Variants in SPON1 observed in about 807,000 individuals in gnomAD.
SPON1 encodes spondin 1.
Under a neutral mutation model 111.7 loss-of-function variants are expected in SPON1, and 52 were observed. The ratio of observed to expected loss-of-function variants is 0.47; its 90% CI spans 0.37 to 0.59. The LOEUF is 0.59. Ranked by LOEUF, SPON1 falls within the 20% of genes least tolerant of loss-of-function variation. The probability of loss-of-function intolerance (pLI) is 0.00; values close to 1 mark genes in which losing one functional copy is unlikely to be tolerated. For synonymous variants in SPON1, 410 were observed against 395.8 expected (o/e 1.04, Z -0.43); for missense variants, 957 against 1,068.5 (o/e 0.90, Z 1.46).
intron 5 of SPON1, among the ~76,000 whole-genome samples, chr11:14,107,455 G>A (rs1849193640): frequency 6.6e-6 from 1 of 151,984 alleles, no homozygotes; most frequent in Non-Finnish European, 1.5e-5. Flanking sequence ...CAAGTCTCTG[G>A]TTCCATCTTT....
At chr11:14,144,803 C>T (rs1030715352) in intron 6 of SPON1, among the ~76,000 whole-genome samples, 4 of 152,154 alleles carry the variant, frequency 2.6e-5, no homozygotes, top group African/African-American at 9.7e-5. Flanking sequence ...TTGCTGCCTT[C>T]TCAAGAAAAC....
intron 5 of SPON1, among the ~76,000 whole-genome samples, chr11:14,098,950 A>G (rs2133842565): frequency 6.6e-6 from 1 of 152,340 alleles, no homozygotes; most frequent in Admixed American, 6.5e-5. Context: ...TCAACTCTTT[A>G]TCTGACTGTA....
At chr11:14,179,026 G>T (rs933632510) in intron 6 of SPON1, among the ~76,000 whole-genome samples, 11 of 148,726 alleles carry the variant, frequency 7.4e-5, no homozygotes, top group African/African-American at 2.7e-4. Context: ...CCAGTTCATT[G>T]TCCTTAAACA....
chr11:14,029,451 C>G (rs938552052), intron 2 of SPON1, among the ~76,000 whole-genome samples: 1 of 152,098 alleles, frequency 6.6e-6, no homozygotes, highest in Admixed American at 6.5e-5. Flanking sequence ...GTCACATGAT[C>G]AGGAAAAGAT....
At chr11:13,996,124 T>G (rs1848270342) in intron 2 of SPON1, among the ~76,000 whole-genome samples, 2 of 152,186 alleles carry the variant, frequency 1.3e-5, no homozygotes, top group Non-Finnish European at 2.9e-5. Flanking sequence ...TACTATATCT[T>G]CTTTAACAAG....
chr11:14,159,960 G>A (rs1405079423), intron 6 of SPON1, among the ~76,000 whole-genome samples: 1 of 152,004 alleles, frequency 6.6e-6, no homozygotes, highest in Non-Finnish European at 1.5e-5. Flanking sequence ...GAGAACGAAT[G>A]AGTACAACCT....
In SPON1 at chr11:14,255,649, A is replaced by T; in HGVS notation, c.1095A>T (p.Ser365=). 6.2e-7 allele frequency: 1 copy of T among 1,613,028 alleles called. No individual in the cohort carries two copies. The highest frequency in any genetic ancestry group is 8.5e-7 in the Non-Finnish European group (1 of 1,179,520). ...AGTDSGVTYE[S]PNKPTIPQEK... ...TACCTCTGTATGTTTTCTTGCAGTC[A>T]CCCAACAAACCCACCATTCCCCAGG... Residue 365 remains serine (S), a splice_region_variant and synonymous_variant, in exon 9 of 16, where the codon TCA becomes TCT. Transcript: ENST00000576479.
rs531212452 is a variant in SPON1, at chr11:14,014,158, T to A, written c.346-27363T>A. Among the ~76,000 whole-genome samples the A allele has an allele frequency of 2.6e-5, 4 of 152,254 alleles. No individual in the cohort carries two copies. The South Asian group carries it at 8.3e-4, about 32-fold the overall frequency. Reference sequence around the variant, plus strand: ...CTGCCAGTGACTTCTGGCTCCTAGATCTTCATCTTGCAGCTACGTGGACAA... The same window carrying A: ...CTGCCAGTGACTTCTGGCTCCTAGAACTTCATCTTGCAGCTACGTGGACAA... On this transcript the variant is annotated intron_variant, in intron 2 of 15. Coordinates refer to ENST00000576479, the MANE Select transcript of SPON1 (RefSeq NM_006108.4).
chr11:14,091,856 AGGGCTCTG>A (rs1849061586), intron 5 of SPON1, among the ~76,000 whole-genome samples: 1 of 149,876 alleles, frequency 6.7e-6, no homozygotes, highest in African/African-American at 2.4e-5. Flanking sequence ...AGAGCAAGCG[AGGGCTCTG>A]AGGACTGCCA....
chr11:14,016,752 G>C (rs1848446845), intron 2 of SPON1, among the ~76,000 whole-genome samples: 1 of 152,098 alleles, frequency 6.6e-6, no homozygotes, highest in African/African-American at 2.4e-5. Flanking sequence ...ACTAAAATTG[G>C]GAAAGTCAAG....
At chr11:14,049,585 T>A (rs1458096958) in intron 3 of SPON1, among the ~76,000 whole-genome samples, 2 of 152,204 alleles carry the variant, frequency 1.3e-5, no homozygotes, top group African/African-American at 4.8e-5. Context: ...GCCTTTCTTG[T>A]CTGTCCATTC....
chr11:14,149,643 A>G (rs1847765026), intron 6 of SPON1, among the ~76,000 whole-genome samples: 1 of 152,150 alleles, frequency 6.6e-6, no homozygotes, highest in African/African-American at 2.4e-5. Flanking sequence ...ATACAGGTGT[A>G]CCATTTGTTA....
At position 14,075,358 on chromosome 11, in the gene SPON1, CA is replaced by C; in HGVS notation, c.498del (p.Lys166AsnfsTer12). On this transcript the variant is annotated frameshift_variant, in exon 4 of 16. Coordinates refer to ENST00000576479, the MANE Select transcript of SPON1 (RefSeq NM_006108.4). LOFTEE classifies it high-confidence loss of function. ...CTTTCTTCACAGGGCCAGCATCGTA[CA>C]AAAACGCATTATTTATTTTCAAGAT... ...GCVILKASIV[Q>X]KRIIYFQDEG... The C allele has an allele frequency of 6.4e-7, 1 of 1,559,396 alleles. No individual in the cohort carries two copies.
chr11:14,206,657 C>G (rs1848520151), intron 6 of SPON1, among the ~76,000 whole-genome samples: 1 of 151,858 alleles, frequency 6.6e-6, no homozygotes, highest in Non-Finnish European at 1.5e-5. Context: ...AATAAAATAC[C>G]TAGGAATACA....
chr11:14,058,662 ACTTTC>A lies in SPON1; in HGVS notation c.480-16679_480-16675del, dbSNP rs1373748901. On this transcript the variant is annotated intron_variant, in intron 3 of 15. Coordinates refer to ENST00000576479, the MANE Select transcript of SPON1 (RefSeq NM_006108.4). ...TCAATGAATGTTCCTCTTTTTCTGT[ACTTTC>A]CTTCTCTTCTTTATCGCTTCCTTTG... Among the ~76,000 whole-genome samples the A allele has an allele frequency of 3.9e-5, 6 of 152,294 alleles. No homozygotes were observed. In the East Asian group the frequency reaches 1.2e-3, roughly 29 times the overall value.
intron 6 of SPON1, among the ~76,000 whole-genome samples, chr11:14,186,572 G>A (rs187916540): frequency 1.3e-5 from 2 of 152,264 alleles, no homozygotes; most frequent in East Asian, 3.9e-4. Context: ...ACATAATTGT[G>A]CCACCCACTC....
At chr11:14,078,120 A>G (rs1340274812) in intron 4 of SPON1, among the ~76,000 whole-genome samples, 2 of 152,208 alleles carry the variant, frequency 1.3e-5, no homozygotes, top group African/African-American at 2.4e-5. Flanking sequence ...TTCATTTTCA[A>G]TAGGCTTTTC....
intron 2 of SPON1, among the ~76,000 whole-genome samples, chr11:14,009,501 A>C (rs1447915106): frequency 6.6e-6 from 1 of 152,216 alleles, no homozygotes; most frequent in East Asian, 1.9e-4. Flanking sequence ...GCTTCCTTGG[A>C]AAATCTTTCC....
intron 6 of SPON1, among the ~76,000 whole-genome samples, chr11:14,226,009 T>C (rs1480009051): frequency 1.3e-5 from 2 of 152,250 alleles, no homozygotes; most frequent in Admixed American, 1.3e-4. Context: ...TTTGGATTTT[T>C]AAAAATTTGT....
Sources: gnomAD v4.1 joint callset for allele counts (sites outside exome capture counted in the v4.1 genomes callset) on GRCh38, gnomAD v4.1.1 for gene constraint, MANE v1.5 for transcripts, NCBI Gene and HGNC (gene_info 2026-07-23, HGNC 2026-07-21) for gene names.